MTUS1: variants seen among roughly 807,000 people sequenced by gnomAD.
The protein encoded by MTUS1 is microtubule-associated tumor suppressor 1.
In MTUS1, 109 loss-of-function variants were observed where a neutral mutation model predicts 120.8. That is an observed-to-expected ratio of 0.90 (90% confidence interval 0.77 to 1.06). The LOEUF (loss-of-function observed/expected upper bound fraction) is 1.06. Ranked by LOEUF, MTUS1 falls within the 50% of genes least tolerant of loss-of-function variation. MTUS1 has a pLI of 0.00. For missense variants in MTUS1, 2,210 were observed against 1,486.3 expected, an observed-to-expected ratio of 1.49 and a Z score of -8.01; for synonymous variants, 737 against 550.5, an observed-to-expected ratio of 1.34 and a Z score of -4.74.
At chr8:17,724,246 C>T in intron 3 of MTUS1, 1 of 326,042 alleles carries the variant, frequency 3.1e-6, no homozygotes, top group South Asian at 2.3e-5. Flanking sequence ...AATAGGCTAT[C>T]ATATAAGAAA....
At chr8:17,743,004 T>G (rs1054393527) in intron 3 of MTUS1, among the ~76,000 whole-genome samples, 29 of 152,272 alleles carry the variant, frequency 1.9e-4, no homozygotes, top group Admixed American at 1.4e-3. Flanking sequence ...TTTCCATTTC[T>G]TTGTAACACA....
chr8:17,690,300 T>A (rs1259967954), intron 6 of MTUS1, among the ~76,000 whole-genome samples: 1 of 152,114 alleles, frequency 6.6e-6, no homozygotes, highest in Admixed American at 6.5e-5. Context: ...ACATCACTAA[T>A]CATCAGAGAA....
At chr8:17,742,060 C>A (rs1483773146) in intron 3 of MTUS1, among the ~76,000 whole-genome samples, 1 of 152,064 alleles carries the variant, frequency 6.6e-6, no homozygotes. Flanking sequence ...GCACCATGAG[C>A]CTTATTGGAC....
intron 10 of MTUS1, 191 bp from the exon 11 acceptor site, chr8:17,653,689 T>TTCC (rs1807558054): frequency 3.9e-6 from 2 of 512,264 alleles, no homozygotes; most frequent in South Asian, 5.4e-5. Flanking sequence ...AGGGTAGACA[T>TTCC]TCCCATTTTA....
intron 14 of MTUS1, 39 bp downstream of exon 14, chr8:17,646,943 G>A (rs1805922981): frequency 2.0e-6 from 3 of 1,481,934 alleles, no homozygotes; most frequent in South Asian, 2.3e-5. Context: ...GTCCAAGGGA[G>A]CGGGGAGCTC....
intron 3 of MTUS1, among the ~76,000 whole-genome samples, chr8:17,726,497 T>G (rs2046239578): frequency 6.6e-6 from 1 of 152,210 alleles, no homozygotes. Context: ...ACTTAATAAA[T>G]GTTTCCTCAA....
At chr8:17,695,865 G>C (rs1817839293) in intron 6 of MTUS1, among the ~76,000 whole-genome samples, 1 of 152,184 alleles carries the variant, frequency 6.6e-6, no homozygotes, top group African/African-American at 2.4e-5. Flanking sequence ...AGAACACTAT[G>C]CAAGCAGCTG....
In MTUS1 at chr8:17,755,365, C is replaced by T. The variant is rs201101994; in HGVS notation, c.443G>A (p.Cys148Tyr). 1.2e-4 allele frequency: 198 copies of T among 1,614,156 alleles called. 1 individual carries two copies. Among genetic ancestry groups the T allele is most frequent in the Admixed American group, 8.3e-4 (50 of 60,018 alleles). ...CTCCAAGGCATCACAGTAGCCTGCACAGTTCAAATTGTCATTAGGCTTCCA... is the reference window on the plus strand; with the variant it reads ...CTCCAAGGCATCACAGTAGCCTGCATAGTTCAAATTGTCATTAGGCTTCCA... ...FVWKPNDNLN[C>Y]AGYCDALELN... Residue 148 changes from cysteine (C) to tyrosine (Y), a missense_variant, in exon 2 of 15, where the codon TGT becomes TAT. Cys to Tyr is a radical substitution (Grantham distance 194). Coordinates refer to ENST00000693296, the MANE Select transcript of MTUS1 (RefSeq NM_001363059.2).
rs1277683040 is a variant in MTUS1 at position 17,727,579 on chromosome 8, A to G, written c.2288-3746T>C. Among the ~76,000 whole-genome samples the G allele has an allele frequency of 2.0e-5, 3 of 152,242 alleles. 1 individual carries two copies. Among genetic ancestry groups the G allele is most frequent in the Admixed American group, 2.0e-4 (3 of 15,286 alleles). On this transcript the variant is annotated intron_variant, in intron 3 of 14. Coordinates refer to ENST00000693296, the MANE Select transcript of MTUS1 (RefSeq NM_001363059.2). ...GGTAAAGTTGGCAATACTAAAACAT[A>G]GCAATATTAGGTTAATTGAGAGACT...
chr8:17,789,762 C>T (rs1693138324), intron 1 of MTUS1, among the ~76,000 whole-genome samples: 1 of 152,180 alleles, frequency 6.6e-6, no homozygotes, highest in East Asian at 1.9e-4. Flanking sequence ...TAACTCACAG[C>T]AGCAGCCCAA....
intron 1 of MTUS1, among the ~76,000 whole-genome samples, chr8:17,781,319 T>C (rs1299503160): frequency 1.3e-5 from 2 of 152,236 alleles, no homozygotes; most frequent in Non-Finnish European, 2.9e-5. Context: ...TTGTACCACA[T>C]TGTAACCAAA....
chr8:17,766,664 G>C (rs1215150074), intron 1 of MTUS1, among the ~76,000 whole-genome samples: 2 of 152,144 alleles, frequency 1.3e-5, no homozygotes, highest in African/African-American at 4.8e-5. Flanking sequence ...GTTTTCTGGT[G>C]GTTTGTTGTT....
chr8:17,681,294 G>C (rs1196354583), intron 7 of MTUS1, among the ~76,000 whole-genome samples: 1 of 152,162 alleles, frequency 6.6e-6, no homozygotes, highest in Non-Finnish European at 1.5e-5. Context: ...TGCAAGTGGT[G>C]ATGTGATGCT....
intron 3 of MTUS1, among the ~76,000 whole-genome samples, chr8:17,731,494 A>T (rs539245750): frequency 6.6e-6 from 1 of 152,206 alleles, no homozygotes; most frequent in South Asian, 2.1e-4. Context: ...CACCAAAATA[A>T]ATTAAATTGG....
intron 3 of MTUS1, among the ~76,000 whole-genome samples, chr8:17,735,505 G>A (rs1206352737): frequency 6.6e-6 from 1 of 152,102 alleles, no homozygotes; most frequent in East Asian, 1.9e-4. Flanking sequence ...ATTGACCCCG[G>A]GACACGTCTG....
chr8:17,660,909 C>CAA (rs1337583606), intron 8 of MTUS1, among the ~76,000 whole-genome samples: 3 of 152,064 alleles, frequency 2.0e-5, no homozygotes, highest in African/African-American at 7.2e-5. Context: ...AGATAGAACC[C>CAA]AAAAAGACAG....
chr8:17,773,240 AT>A (rs1302947906), intron 1 of MTUS1, among the ~76,000 whole-genome samples: 1 of 152,170 alleles, frequency 6.6e-6, no homozygotes, highest in African/African-American at 2.4e-5. Context: ...TCTGAACCGA[AT>A]TTTTTAAATA....
intron 14 of MTUS1, 46 bp downstream of exon 14, chr8:17,646,936 C>T (rs942063878): frequency 3.5e-6 from 5 of 1,438,156 alleles, no homozygotes; most frequent in Admixed American, 1.7e-5. Context: ...ACTGGATGTC[C>T]AAGGGAGCGG....
chr8:17,672,302 C>T (rs1010986798), intron 8 of MTUS1, among the ~76,000 whole-genome samples: 2 of 152,048 alleles, frequency 1.3e-5, no homozygotes, highest in African/African-American at 2.4e-5. Flanking sequence ...CTTTACAATG[C>T]ATTACCTCAT....
Sources: gnomAD v4.1 joint callset for allele counts (sites outside exome capture counted in the v4.1 genomes callset) on GRCh38, gnomAD v4.1.1 for gene constraint, MANE v1.5 for transcripts, NCBI Gene and HGNC (gene_info 2026-07-23, HGNC 2026-07-21) for gene names.